Variants in DEPDC1B observed in about 807,000 individuals in gnomAD.
The protein encoded by DEPDC1B is DEP domain containing 1B, also known as DEP domain-containing protein 1B.
Under a neutral mutation model 66.5 loss-of-function variants are expected in DEPDC1B, and 51 were observed. The observed-to-expected ratio is 0.77, with a 90% CI of 0.61 to 0.97. DEPDC1B has a LOEUF of 0.97. Ranked by LOEUF, DEPDC1B falls within the 50% of genes least tolerant of loss-of-function variation. The pLI is 0.00. For synonymous variants in DEPDC1B, 226 were observed against 223.6 expected, an observed-to-expected ratio of 1.01 and a Z score of -0.10; for missense variants, 552 against 637.1, an observed-to-expected ratio of 0.87 and a Z score of 1.44.
chr5:60,685,582 G>A (rs1023858878), intron 2 of DEPDC1B, among the ~76,000 whole-genome samples: 6 of 152,022 alleles, frequency 3.9e-5, no homozygotes, highest in Non-Finnish European at 7.4e-5. Flanking sequence ...TGGGTAGTCG[G>A]CTCCTATTTT....
At chr5:60,625,005 C>T (rs1217194391) in intron 7 of DEPDC1B, among the ~76,000 whole-genome samples, 2 of 145,306 alleles carry the variant, frequency 1.4e-5, no homozygotes, top group Admixed American at 7.4e-5. Flanking sequence ...GTTTGGTTTT[C>T]TGTTCTTGTG....
chr5:60,677,017 G>A (rs1328067260), intron 2 of DEPDC1B, among the ~76,000 whole-genome samples: 1 of 152,134 alleles, frequency 6.6e-6, no homozygotes, highest in Non-Finnish European at 1.5e-5. Flanking sequence ...CTGAGTGGCT[G>A]GGGGAGGGAT....
At chr5:60,687,390 A>G (rs1411048819) in intron 1 of DEPDC1B, among the ~76,000 whole-genome samples, 163 bp from the exon 2 acceptor site, 2 of 152,208 alleles carry the variant, frequency 1.3e-5, no homozygotes, top group Non-Finnish European at 2.9e-5. Flanking sequence ...ACTCTAATAA[A>G]GAAAAGTTTG....
At chr5:60,625,277 G>A (rs980317821) in intron 7 of DEPDC1B, among the ~76,000 whole-genome samples, 2 of 152,096 alleles carry the variant, frequency 1.3e-5, no homozygotes, top group African/African-American at 4.8e-5. Context: ...GGGATGGCTG[G>A]GTCAAATGGT....
chr5:60,672,651 A>G (rs1297972310), intron 2 of DEPDC1B, among the ~76,000 whole-genome samples: 3 of 152,154 alleles, frequency 2.0e-5, no homozygotes, highest in Non-Finnish European at 4.4e-5. Flanking sequence ...TCATACCTAC[A>G]TCTATTCTTG....
Position 60,640,947 on chromosome 5 carries a change from C to A in DEPDC1B, c.757+1865G>T, listed in dbSNP as rs145281457. Among the ~76,000 whole-genome samples, 424 of 152,332 alleles carry A rather than the reference C, an allele frequency of 2.8e-3. 9 individuals are homozygous for A. Among genetic ancestry groups the A allele is most frequent in the Middle Eastern group, 0.027 (8 of 294 alleles). Reference sequence around the variant, plus strand: ...TTATAAAGCTACTCAAAAGGTTAATCTTGCCCTTTGGCCACCTTTATTTGT... The same window carrying A: ...TTATAAAGCTACTCAAAAGGTTAATATTGCCCTTTGGCCACCTTTATTTGT... On this transcript the variant is annotated intron_variant, in intron 6 of 10. Coordinates refer to ENST00000265036, the MANE Select transcript of DEPDC1B (RefSeq NM_018369.3).
At chr5:60,671,333 G>A (rs1010941688) in intron 2 of DEPDC1B, among the ~76,000 whole-genome samples, 1 of 152,192 alleles carries the variant, frequency 6.6e-6, no homozygotes, top group Admixed American at 6.5e-5. Flanking sequence ...TGAAGCACAA[G>A]AAATGGACTG....
chr5:60,628,772 G>A, intron 7 of DEPDC1B: 1 of 151,590 alleles, frequency 6.6e-6, no homozygotes, highest in Non-Finnish European at 1.5e-5. Flanking sequence ...ACTTTTTTTT[G>A]CTTTTATGCT....
At chr5:60,670,328 C>T (rs1584088799) in intron 2 of DEPDC1B, among the ~76,000 whole-genome samples, 2 of 152,020 alleles carry the variant, frequency 1.3e-5, no homozygotes, top group Admixed American at 1.3e-4. Context: ...GAGCTGAGAT[C>T]GCGCCACTGC....
intron 2 of DEPDC1B, among the ~76,000 whole-genome samples, chr5:60,676,744 CCCTTCT>C (rs1269761152): frequency 6.6e-6 from 1 of 152,138 alleles, no homozygotes; most frequent in African/African-American, 2.4e-5. Context: ...CGTCTCCTTC[CCCTTCT>C]CCTTCTCCTC....
Position 60,613,828 on chromosome 5 carries a change from G to GTGTGTATATA in DEPDC1B, c.899-7973_899-7972insTATATACACA, listed in dbSNP as rs3989094. Among the ~76,000 whole-genome samples, 68 of 144,486 alleles carry GTGTGTATATA rather than the reference G, an allele frequency of 4.7e-4. No individual in the cohort carries two copies. The South Asian group carries it at 6.2e-3, about 13-fold the overall frequency. The allele number at this position is 144,486 out of a possible 152,430, so 94.8% of individuals were successfully genotyped here. On this transcript the variant is annotated intron_variant, in intron 7 of 10. Coordinates refer to ENST00000265036, the MANE Select transcript of DEPDC1B (RefSeq NM_018369.3). ...TGTGTGTGTGTGTGTGTGTGTGTGT[G>GTGTGTATATA]TATACATAAAAAACAGATGTAGGGT...
intron 3 of DEPDC1B, 117 bp downstream of exon 3, chr5:60,647,281 T>A (rs989960596): frequency 7.7e-7 from 1 of 1,305,410 alleles, no homozygotes; most frequent in East Asian, 2.6e-5. Context: ...GGTACAATTT[T>A]GTTTTAAAGT....
intron 7 of DEPDC1B, among the ~76,000 whole-genome samples, chr5:60,612,100 A>G (rs1367277817): frequency 6.6e-6 from 1 of 152,096 alleles, no homozygotes; most frequent in African/African-American, 2.4e-5. Context: ...CTCCTTTACC[A>G]TTCCAAAAAT....
At chr5:60,663,805 T>C (rs1025536020) in intron 2 of DEPDC1B, among the ~76,000 whole-genome samples, 5 of 152,206 alleles carry the variant, frequency 3.3e-5, no homozygotes, top group Non-Finnish European at 7.3e-5. Context: ...TCCTCACCAC[T>C]TGTGGCTACA....
At chr5:60,689,366 T>G (rs1408603996) in intron 1 of DEPDC1B, among the ~76,000 whole-genome samples, 1 of 152,244 alleles carries the variant, frequency 6.6e-6, no homozygotes, top group African/African-American at 2.4e-5. Flanking sequence ...TTTGTTCTCA[T>G]TAGACTATAT....
chr5:60,695,724 T>C (rs1042525758), intron 1 of DEPDC1B, among the ~76,000 whole-genome samples: 1 of 152,196 alleles, frequency 6.6e-6, no homozygotes, highest in Non-Finnish European at 1.5e-5. Context: ...GTCATTACAG[T>C]CAATTAATAC....
intron 2 of DEPDC1B, among the ~76,000 whole-genome samples, chr5:60,663,112 C>T (rs1014613268): frequency 1.3e-5 from 2 of 152,114 alleles, no homozygotes; most frequent in Non-Finnish European, 2.9e-5. Flanking sequence ...TACACCTGAA[C>T]ATAGGAAAAG....
chr5:60,621,187 T>G (rs1284736047), intron 7 of DEPDC1B, among the ~76,000 whole-genome samples: 1 of 151,146 alleles, frequency 6.6e-6, no homozygotes, highest in East Asian at 2.0e-4. Flanking sequence ...TATCTAATGT[T>G]AAATGACGAG....
chr5:60,652,841 G>A (rs1753487281), intron 2 of DEPDC1B, among the ~76,000 whole-genome samples: 1 of 148,982 alleles, frequency 6.7e-6, no homozygotes, highest in African/African-American at 2.5e-5. Context: ...ACTTATAAGT[G>A]AGGACACGCA....
Sources: allele counts gnomAD v4.1 joint callset (sites outside exome capture counted in the v4.1 genomes callset), GRCh38; gene constraint gnomAD v4.1.1; transcripts MANE v1.5; gene names NCBI Gene and HGNC (gene_info 2026-07-23, HGNC 2026-07-21).